MGME1: variants seen among roughly 807,000 people sequenced by gnomAD.
The protein encoded by MGME1 is mitochondrial genome maintenance exonuclease 1, also known as chromosome 20 open reading frame 72.
Under a neutral mutation model 33.0 loss-of-function variants are expected in MGME1, and 22 were observed. The observed-to-expected ratio is 0.67, with a 90% CI of 0.48 to 0.95. The LOEUF (loss-of-function observed/expected upper bound fraction) is 0.95. Ranked by LOEUF, MGME1 falls within the 40% of genes least tolerant of loss-of-function variation. The pLI is 0.00. For synonymous variants in MGME1, 133 were observed against 144.0 expected (o/e 0.92, Z 0.55); for missense variants, 383 against 397.8 (o/e 0.96, Z 0.32).
In MGME1 at chr20:17,990,164, T is replaced by C. The variant is rs763634225; in HGVS notation, c.*55T>C. ...CACCTTCTCACAGTTTGGGAACATA[T>C]ATTGCTGTTTACTCCAGTGTAAAAA... On this transcript the variant is annotated 3_prime_UTR_variant, in exon 5 of 5. Coordinates refer to ENST00000377710, the MANE Select transcript of MGME1 (RefSeq NM_052865.4). 2.1e-5 allele frequency: 31 copies of C among 1,497,474 alleles called. No individual in the cohort carries two copies. The highest frequency in any genetic ancestry group is 6.9e-5 in the African/African-American group (5 of 72,382). 92.8% of individuals were successfully genotyped at this position (1,497,474 alleles called of 1,614,324 possible). A position where few individuals can be genotyped will look rare whatever the true frequency, so the allele number is the denominator to read the frequency against.
intron 3 of MGME1, among the ~76,000 whole-genome samples, chr20:17,987,170 T>TAAAAAAAAA: frequency 8.2e-6 from 1 of 122,438 alleles, no homozygotes; most frequent in Non-Finnish European, 1.6e-5. Flanking sequence ...AGACTCCATC[T>TAAAAAAAAA]AAAAAAAAAA....
At position 17,986,226 on chromosome 20, in the gene MGME1, G is replaced by A. The variant is rs148035407; in HGVS notation, c.732-1940G>A. On this transcript the variant is annotated intron_variant, in intron 3 of 4. Coordinates refer to ENST00000377710, the MANE Select transcript of MGME1 (RefSeq NM_052865.4). ...TGGGATTACAGGGGCACATCACCAC[G>A]CCTGGCTAATTTTTGTATTTTTAGT... Among the ~76,000 whole-genome samples the A allele has an allele frequency of 7.0e-3, 1,069 of 151,662 alleles. 12 individuals are homozygous for A. Among genetic ancestry groups the A allele is most frequent in the African/African-American group, 0.024 (994 of 41,332 alleles).
chr20:17,984,350 C>T (rs1031926391), intron 3 of MGME1, among the ~76,000 whole-genome samples: 23 of 152,114 alleles, frequency 1.5e-4, no homozygotes, highest in African/African-American at 4.3e-4. Flanking sequence ...TCTCAGTCAA[C>T]GACAGACTAC....
chr20:17,981,907 C>T (rs2036032865), intron 3 of MGME1, among the ~76,000 whole-genome samples: 1 of 152,092 alleles, frequency 6.6e-6, no homozygotes, highest in Admixed American at 6.6e-5. Flanking sequence ...CCCATCTCAG[C>T]CTCCCAAAGT....
At chr20:17,983,472 G>A (rs1668879873) in intron 3 of MGME1, among the ~76,000 whole-genome samples, 1 of 152,144 alleles carries the variant, frequency 6.6e-6, no homozygotes, top group South Asian at 2.1e-4. Context: ...GGATCGTATA[G>A]TAGTTCTGGT....
At chr20:17,989,161 A>G (rs1028641954) in intron 4 of MGME1, among the ~76,000 whole-genome samples, 6 of 152,084 alleles carry the variant, frequency 3.9e-5, no homozygotes, top group Non-Finnish European at 2.9e-5. Context: ...CGAGTTGGGC[A>G]GATCACCTGA....
intron 2 of MGME1, among the ~76,000 whole-genome samples, chr20:17,971,555 T>G (rs2035729229): frequency 6.6e-6 from 1 of 152,208 alleles, no homozygotes; most frequent in East Asian, 1.9e-4. Context: ...AGAAATGTAT[T>G]ATTAAAAGGC....
At chr20:17,968,940 G>C (rs140816102), upstream of MGME1, 1,363 of 156,830 alleles carry the variant, frequency 8.7e-3, 8 homozygotes, top group Non-Finnish European at 0.012. Flanking sequence ...CGCTCGGAGA[G>C]GTACTCCCTG....
intron 3 of MGME1, among the ~76,000 whole-genome samples, chr20:17,977,014 T>G (rs542549676): frequency 6.6e-6 from 1 of 151,798 alleles, no homozygotes; most frequent in Non-Finnish European, 1.5e-5. Context: ...TACTTCAGAG[T>G]CCAAGTGTTA....
At chr20:17,987,462 A>C (rs1181242839) in intron 3 of MGME1, among the ~76,000 whole-genome samples, 1 of 152,222 alleles carries the variant, frequency 6.6e-6, no homozygotes, top group African/African-American at 2.4e-5. Flanking sequence ...AAAAAGACGT[A>C]AAATATCCCA....
intron 2 of MGME1, among the ~76,000 whole-genome samples, chr20:17,973,329 A>T (rs2035776561): frequency 1.3e-5 from 2 of 152,048 alleles, no homozygotes; most frequent in East Asian, 3.9e-4. Flanking sequence ...GGAAAAAAAA[A>T]GAATTGACAT....
intron 3 of MGME1, among the ~76,000 whole-genome samples, chr20:17,978,686 G>A (rs1270929233): frequency 1.3e-5 from 2 of 152,158 alleles, no homozygotes; most frequent in African/African-American, 4.8e-5. Context: ...GATAAAATAT[G>A]TCCATAGCAC....
intron 3 of MGME1, among the ~76,000 whole-genome samples, chr20:17,982,472 A>C (rs2036048529): frequency 6.6e-6 from 1 of 152,198 alleles, no homozygotes; most frequent in Non-Finnish European, 1.5e-5. Context: ...AGTTGGTCTG[A>C]AGTAGACCCG....
Position 17,969,837 on chromosome 20 carries a change from G to C in MGME1, c.-23G>C. On this transcript the variant is annotated 5_prime_UTR_variant, in exon 2 of 5. Coordinates refer to ENST00000377710, the MANE Select transcript of MGME1 (RefSeq NM_052865.4). ...TAAAGGCCTTCGACCGTTGCAAATA[G>C]ACTAAAGTGAAAACAAATCTGAATG... The C allele has an allele frequency of 6.3e-7, 1 of 1,585,106 alleles. No individual in the cohort carries two copies. The highest frequency in any genetic ancestry group is 1.2e-5 in the South Asian group (1 of 86,206).
Position 17,980,179 on chromosome 20 carries a change from C to T in MGME1, c.731+4276C>T, listed in dbSNP as rs1341274093. ...TAGCTGGGATTACAGGCGCCTGCTA[C>T]CATACCCAGCTCATTTTTGTATTTT... On this transcript the variant is annotated intron_variant, in intron 3 of 4. Transcript: ENST00000377710. 2.6e-5 allele frequency among the ~76,000 whole-genome samples: 4 copies of T among 151,962 alleles called. No homozygotes were observed. The East Asian group carries it at 5.9e-4, about 22-fold the overall frequency.
chr20:17,979,066 C>G (rs2035938533), intron 3 of MGME1, among the ~76,000 whole-genome samples: 1 of 151,562 alleles, frequency 6.6e-6, no homozygotes, highest in Admixed American at 6.6e-5. Flanking sequence ...GTGTGAGCCA[C>G]TGCACCCAGC....
chr20:17,978,885 C>T (rs2122553212), intron 3 of MGME1, among the ~76,000 whole-genome samples: 1 of 152,044 alleles, frequency 6.6e-6, no homozygotes, highest in East Asian at 1.9e-4. Context: ...AAGCAATTCT[C>T]CTGTGTCAGC....
rs752296675 is a variant in MGME1, at chr20:17,990,015, G to C, written c.941G>C (p.Cys314Ser). 28 of 1,613,992 alleles carry C rather than the reference G, an allele frequency of 1.7e-5. No individual in the cohort carries two copies. The highest frequency in any genetic ancestry group is 2.3e-5 in the Non-Finnish European group (27 of 1,179,996). The change falls in exon 5 of 5, where the codon TGT (cysteine) becomes TCT (serine). Residue 314 changes from cysteine to serine, a missense_variant. Physicochemically the swap from Cys to Ser is moderately radical, Grantham distance 112 (BLOSUM62 -1). Coordinates refer to ENST00000377710, the MANE Select transcript of MGME1 (RefSeq NM_052865.4). ...CCACATTTCATGGATGCAGAGCTCT[G>C]TTCCCAGTACTGGACCAAGTGGCTT... ...AHPHFMDAEL[C>S]SQYWTKWLLR...
chr20:17,969,734 C>G, intron 1 of MGME1, 67 bp from the exon 2 acceptor site: 1 of 1,018,586 alleles, frequency 9.8e-7, no homozygotes, highest in Admixed American at 2.7e-5. Flanking sequence ...CGAAAAAGTT[C>G]ACAATTTTGA....
Sources: allele counts gnomAD v4.1 joint callset (sites outside exome capture counted in the v4.1 genomes callset), GRCh38; gene constraint gnomAD v4.1.1; transcripts MANE v1.5; gene names NCBI Gene and HGNC (gene_info 2026-07-23, HGNC 2026-07-21).